The following FOXP1 variants were observed in gnomAD, a reference collection of about 807,000 sequenced individuals.
FOXP1 encodes forkhead box protein P1.
A neutral mutation model predicts 98.2 loss-of-function variants in FOXP1; 15 were observed. The ratio of observed to expected loss-of-function variants is 0.15; its 90% CI spans 0.10 to 0.24. The LOEUF (loss-of-function observed/expected upper bound fraction) is 0.24. FOXP1 is among the 10% of genes least tolerant of loss of function. FOXP1 has a pLI of 1.00. For missense variants in FOXP1, 633 were observed against 848.5 expected (o/e 0.75, Z 3.15); for synonymous variants, 371 against 314.5 (o/e 1.18, Z -1.90).
In FOXP1 at chr3:71,408,130, G is replaced by A. The variant is rs150691621; in HGVS notation, c.-167-48886C>T. On this transcript the variant is annotated intron_variant, in intron 3 of 20. Coordinates refer to ENST00000649528, the MANE Select transcript of FOXP1 (RefSeq NM_001349338.3). ...GTGGCTTAGTTAAGGGTCTGACAACGTCCCTATTATCAGAACCTTTCTTCA... is the reference window on the plus strand; with the variant it reads ...GTGGCTTAGTTAAGGGTCTGACAACATCCCTATTATCAGAACCTTTCTTCA... Among the ~76,000 whole-genome samples, 6 of 152,286 alleles carry A rather than the reference G, an allele frequency of 3.9e-5. No homozygotes were observed. In the East Asian group the frequency reaches 9.6e-4, roughly 24 times the overall value.
chr3:71,175,712 C>T (rs1052032706), intron 6 of FOXP1, among the ~76,000 whole-genome samples: 5 of 152,150 alleles, frequency 3.3e-5, no homozygotes, highest in South Asian at 2.1e-4. Context: ...TTTCCTAAAC[C>T]GGAAACAAAT....
intron 19 of FOXP1, chr3:70,969,009 A>G (rs1202202594): frequency 6.6e-6 from 1 of 152,228 alleles, no homozygotes; most frequent in Non-Finnish European, 1.5e-5. Context: ...GCTACTGAAG[A>G]AGATGCCAAA....
intron 4 of FOXP1, among the ~76,000 whole-genome samples, chr3:71,316,301 C>A (rs748515889): frequency 4.6e-5 from 7 of 152,204 alleles, no homozygotes; most frequent in Non-Finnish European, 7.3e-5. Context: ...GACTTTCCTG[C>A]CTCCTCCACG....
chr3:71,230,850 G>T (rs2106756110), intron 5 of FOXP1, among the ~76,000 whole-genome samples: 1 of 152,274 alleles, frequency 6.6e-6, no homozygotes, highest in Middle Eastern at 3.4e-3. Context: ...GTAGGAGGGG[G>T]GTGGTGGCTT....
intron 19 of FOXP1, among the ~76,000 whole-genome samples, chr3:70,967,573 A>C (rs2035077111): frequency 6.6e-6 from 1 of 151,938 alleles, no homozygotes; most frequent in African/African-American, 2.4e-5. Context: ...TGTGTCAAAT[A>C]ATTTGCATCA....
intron 3 of FOXP1, among the ~76,000 whole-genome samples, chr3:71,398,423 C>T (rs1299402674): frequency 2.0e-5 from 3 of 152,168 alleles, no homozygotes; most frequent in African/African-American, 4.8e-5. Flanking sequence ...CTGAAAACAT[C>T]GCCAGCCCTT....
chr3:71,372,012 T>G (rs2079363057), intron 3 of FOXP1, among the ~76,000 whole-genome samples: 1 of 151,402 alleles, frequency 6.6e-6, no homozygotes, highest in Admixed American at 6.6e-5. Context: ...GTCTTTTCTT[T>G]CTTTCTTTTT....
chr3:71,082,110 C>G (rs2054488880), intron 7 of FOXP1, among the ~76,000 whole-genome samples: 1 of 151,840 alleles, frequency 6.6e-6, no homozygotes, highest in Non-Finnish European at 1.5e-5. Context: ...GAAACCTCAT[C>G]TCTACTAAAA....
At chr3:71,231,194 A>T (rs1347949327) in intron 5 of FOXP1, among the ~76,000 whole-genome samples, 1 of 152,218 alleles carries the variant, frequency 6.6e-6, no homozygotes, top group Non-Finnish European at 1.5e-5. Context: ...CCATGAATCA[A>T]TTTTATACAT....
chr3:71,476,657 ATTTTTTT>A (rs55733297), intron 3 of FOXP1, among the ~76,000 whole-genome samples: 1 of 134,480 alleles, frequency 7.4e-6, no homozygotes, highest in Non-Finnish European at 1.6e-5. Flanking sequence ...TGCCCAGCTA[ATTTTTTT>A]TTTTTTTTTT....
At chr3:71,041,022 G>C (rs1232249077) in intron 11 of FOXP1, among the ~76,000 whole-genome samples, 1 of 152,174 alleles carries the variant, frequency 6.6e-6, no homozygotes, top group East Asian at 1.9e-4. Context: ...TGTACGGAGT[G>C]AGCACTTGGC....
intron 2 of FOXP1, among the ~76,000 whole-genome samples, chr3:71,579,112 T>C (rs2047946956): frequency 6.6e-6 from 1 of 152,190 alleles, no homozygotes; most frequent in South Asian, 2.1e-4. Context: ...ACTTGTTAAT[T>C]AAAAATATAA....
chr3:71,033,611 A>C (rs200870370), intron 11 of FOXP1, among the ~76,000 whole-genome samples: 11,918 of 148,622 alleles, frequency 0.08, 769 homozygotes, highest in African/African-American at 0.15. Context: ...TCAAAAAAAA[A>C]AAAAAAAAAA....
chr3:71,038,537 C>A (rs1247064997), intron 11 of FOXP1, among the ~76,000 whole-genome samples: 1 of 152,154 alleles, frequency 6.6e-6, no homozygotes, highest in Non-Finnish European at 1.5e-5. Context: ...TTTATAGTGA[C>A]AGCTTTGTTT....
chr3:71,347,458 T>C (rs542361811), intron 4 of FOXP1, among the ~76,000 whole-genome samples: 45 of 152,314 alleles, frequency 3.0e-4, no homozygotes, highest in African/African-American at 8.9e-4. Flanking sequence ...CAGAGCCTTC[T>C]AGATTTAGAA....
chr3:71,430,856 G>A (rs1044336222), intron 3 of FOXP1, among the ~76,000 whole-genome samples: 2 of 152,130 alleles, frequency 1.3e-5, no homozygotes, highest in Admixed American at 1.3e-4. Context: ...TGTTTCTATG[G>A]CAAGAATGGC....
At chr3:71,510,392 G>A (rs1304277540) in intron 2 of FOXP1, among the ~76,000 whole-genome samples, 2 of 151,870 alleles carry the variant, frequency 1.3e-5, no homozygotes, top group East Asian at 3.9e-4. Flanking sequence ...CAGGAGAATC[G>A]CTTGAACCCA....
chr3:71,382,115 T>C (rs112622881), intron 3 of FOXP1, among the ~76,000 whole-genome samples: 7,308 of 151,946 alleles, frequency 0.048, 490 homozygotes, highest in African/African-American at 0.15. Context: ...CTACAAAAAA[T>C]CCAAAATATT....
At chr3:71,235,727 C>T (rs547801761) in intron 5 of FOXP1, among the ~76,000 whole-genome samples, 6 of 152,172 alleles carry the variant, frequency 3.9e-5, no homozygotes, top group African/African-American at 7.2e-5. Flanking sequence ...CCACCATGCC[C>T]GGCTAATTTT....
Sources: gnomAD v4.1 joint callset for allele counts (sites outside exome capture counted in the v4.1 genomes callset) on GRCh38, gnomAD v4.1.1 for gene constraint, MANE v1.5 for transcripts, NCBI Gene and HGNC (gene_info 2026-07-23, HGNC 2026-07-21) for gene names.